ANKS6: variants seen among roughly 807,000 people sequenced by gnomAD.
The protein encoded by ANKS6 is ankyrin repeat and sterile alpha motif domain containing 6.
ANKS6 carries 47 observed loss-of-function variants against 77.9 expected under a neutral mutation model. The observed-to-expected ratio is 0.60, with a 90% CI of 0.48 to 0.77. The LOEUF (loss-of-function observed/expected upper bound fraction) is 0.77, where lower values mean the gene tolerates loss of function less well. ANKS6 is among the 30% of genes least tolerant of loss of function. The pLI, the probability that ANKS6 is intolerant of heterozygous loss-of-function variation, is 0.00. For synonymous variants in ANKS6, 488 were observed against 501.7 expected, an observed-to-expected ratio of 0.97 and a Z score of 0.37; for missense variants, 1,150 against 1,159.1, an observed-to-expected ratio of 0.99 and a Z score of 0.11.
At chr9:98,753,613 C>G (rs1406049783) in intron 12 of ANKS6, among the ~76,000 whole-genome samples, 1 of 103,378 alleles carries the variant, frequency 9.7e-6, no homozygotes, top group Non-Finnish European at 2.1e-5. Flanking sequence ...AGAGTAAGAC[C>G]CTATCTCAAA....
chr9:98,766,476 G>GA (rs1424858586), intron 11 of ANKS6, among the ~76,000 whole-genome samples: 1 of 152,008 alleles, frequency 6.6e-6, no homozygotes, highest in Non-Finnish European at 1.5e-5. Flanking sequence ...CAAAGGCAAA[G>GA]AAAGAAATAC....
chr9:98,732,560 CA>C lies in ANKS6; in HGVS notation c.*3958del. ...CTCACCCACCCAACCATGGCTACGT[CA>C]GGGCAGAAGGGAGAGAAGAAAGAGA... On this transcript the variant is annotated 3_prime_UTR_variant, in exon 15 of 15. Transcript: ENST00000353234. The C allele has an allele frequency of 6.4e-7, 1 of 1,550,596 alleles. No homozygotes were observed.
intron 3 of ANKS6, 106 bp from the exon 4 acceptor site, chr9:98,784,263 C>A (rs1050016290): frequency 5.6e-6 from 6 of 1,067,294 alleles, no homozygotes; most frequent in Admixed American, 6.5e-5. Context: ...TCTGCCTCTG[C>A]AGTGGGCTGC....
Position 98,734,116 on chromosome 9 carries a change from C to T in ANKS6, c.*2403G>A. The T allele has an allele frequency of 1.0e-6, 1 of 985,564 alleles. No individual in the cohort carries two copies. The highest frequency in any genetic ancestry group is 1.2e-6 in the Non-Finnish European group (1 of 830,028). The allele number at this position is 985,564 out of a possible 1,614,324, so 61.1% of individuals were successfully genotyped here. A position where few individuals can be genotyped will look rare whatever the true frequency, so the allele number is the denominator to read the frequency against. On this transcript the variant is annotated 3_prime_UTR_variant, in exon 15 of 15. Transcript: ENST00000353234. ...GGGTGCCCTTTCTCTTCCCTGCCTA[C>T]CAGCCGCATCCAAACATCCCCAGAA...
intron 11 of ANKS6, among the ~76,000 whole-genome samples, chr9:98,763,514 A>G (rs1833119515): frequency 1.3e-5 from 2 of 152,082 alleles, no homozygotes; most frequent in Non-Finnish European, 2.9e-5. Flanking sequence ...ATAGCATTAA[A>G]TATCTGTATT....
At chr9:98,751,311 A>G (rs1204675064) in intron 12 of ANKS6, among the ~76,000 whole-genome samples, 1 of 152,128 alleles carries the variant, frequency 6.6e-6, no homozygotes, top group Non-Finnish European at 1.5e-5. Context: ...GCCCTCAGCA[A>G]TCAACAAAAC....
At chr9:98,793,779 C>T (rs1034526485) in intron 1 of ANKS6, among the ~76,000 whole-genome samples, 6 of 151,442 alleles carry the variant, frequency 4.0e-5, no homozygotes, top group African/African-American at 7.3e-5. Context: ...CTGATCTGCC[C>T]GCCTCGGCCT....
At chr9:98,784,807 C>T in intron 3 of ANKS6, 25 bp downstream of exon 3, 1 of 1,606,280 alleles carries the variant, frequency 6.2e-7, no homozygotes, top group Non-Finnish European at 8.5e-7. Context: ...CTTAAATATC[C>T]AAAAAGATTT....
chr9:98,736,281 C>A lies in ANKS6; in HGVS notation c.*238G>T. ...GTCCCTGCATCACTGTGTGAACCAA[C>A]CTGCCAAGCAGAAGCACCCCCACTG... On this transcript the variant is annotated 3_prime_UTR_variant, in exon 15 of 15. Coordinates refer to ENST00000353234, the MANE Select transcript of ANKS6 (RefSeq NM_173551.5). 1.5e-6 allele frequency: 2 copies of A among 1,351,244 alleles called. No individual in the cohort carries two copies. Among genetic ancestry groups the A allele is most frequent in the Non-Finnish European group, 9.5e-7 (1 of 1,055,648 alleles). 83.7% of individuals were successfully genotyped at this position (1,351,244 alleles called of 1,614,324 possible).
intron 11 of ANKS6, among the ~76,000 whole-genome samples, chr9:98,763,064 T>C (rs1276038278): frequency 6.6e-6 from 1 of 152,078 alleles, no homozygotes; most frequent in Non-Finnish European, 1.5e-5. Context: ...TCTCAGTAAT[T>C]AGTAGAACAA....
chr9:98,732,338 G>C lies in ANKS6; in HGVS notation c.*4181C>G, dbSNP rs1286143924. 1 of 805,894 alleles carries C rather than the reference G, an allele frequency of 1.2e-6. No homozygotes were observed. Among genetic ancestry groups the C allele is most frequent in the Non-Finnish European group, 1.9e-6 (1 of 522,380 alleles). 49.9% of individuals were successfully genotyped at this position (805,894 alleles called of 1,614,324 possible). On this transcript the variant is annotated 3_prime_UTR_variant, in exon 15 of 15. Coordinates refer to ENST00000353234, the MANE Select transcript of ANKS6 (RefSeq NM_173551.5). ...CGAGTTCCCTGCCCCCTTTTTACCC[G>C]CTGGATCAGCTTCTACGACTTGGTC...
chr9:98,768,861 G>C (rs1222697149), intron 10 of ANKS6, among the ~76,000 whole-genome samples: 2 of 152,196 alleles, frequency 1.3e-5, no homozygotes, highest in South Asian at 4.1e-4. Flanking sequence ...CGGGTGCAGT[G>C]GCTCACGCCT....
At chr9:98,784,551 A>G (rs1798061933) in intron 3 of ANKS6, 6 of 445,386 alleles carry the variant, frequency 1.3e-5, no homozygotes, top group Non-Finnish European at 2.4e-5. Flanking sequence ...TCACAAAGAG[A>G]CTGGAGTGGG....
chr9:98,777,194 G>A (rs141092906), intron 8 of ANKS6, among the ~76,000 whole-genome samples: 1 of 152,298 alleles, frequency 6.6e-6, no homozygotes, highest in Non-Finnish European at 1.5e-5. Context: ...CACCCAGCGG[G>A]TGAGCACCAG....
In ANKS6 at chr9:98,732,713, C is replaced by A. The variant is rs1831268269; in HGVS notation, c.*3806G>T. 6.9e-6 allele frequency: 10 copies of A among 1,445,304 alleles called. No homozygotes were observed. The highest frequency in any genetic ancestry group is 9.1e-6 in the Non-Finnish European group (10 of 1,103,906). The allele number at this position is 1,445,304 out of a possible 1,614,324, so 89.5% of individuals were successfully genotyped here. A position where few individuals can be genotyped will look rare whatever the true frequency, so the allele number is the denominator to read the frequency against. On this transcript the variant is annotated 3_prime_UTR_variant, in exon 15 of 15. Coordinates refer to ENST00000353234, the MANE Select transcript of ANKS6 (RefSeq NM_173551.5). ...CCTGGGGGCTACTATCCCCCTGTAA[C>A]CAAAAGGGAAACTGGGACTCAAAGG... is the stretch of plus-strand genomic sequence containing the variant.
In ANKS6 at chr9:98,773,760, GA is replaced by G. The variant is rs769003923; in HGVS notation, c.1821+116del. Reference sequence around the variant, plus strand: ...ACAAAAGGATATCATCCATTCAAAAGAAAAAAAAAGTTGCAACCCCTCTGGA... The same window carrying G: ...ACAAAAGGATATCATCCATTCAAAAGAAAAAAAAGTTGCAACCCCTCTGGA... On this transcript the variant is annotated intron_variant, in intron 9 of 14. Coordinates refer to ENST00000353234, the MANE Select transcript of ANKS6 (RefSeq NM_173551.5). The G allele has an allele frequency of 2.9e-4, 255 of 873,310 alleles. 2 individuals are homozygous for G. Among genetic ancestry groups the G allele is most frequent in the African/African-American group, 4.9e-4 (28 of 57,324 alleles). 54.1% of individuals were successfully genotyped at this position (873,310 alleles called of 1,614,324 possible). A position where few individuals can be genotyped will look rare whatever the true frequency, so the allele number is the denominator to read the frequency against.
In ANKS6 at chr9:98,778,267, C is replaced by T. The variant is rs370716703; in HGVS notation, c.1526G>A (p.Arg509His). Residue 509 changes from arginine to histidine, a missense_variant, in exon 7 of 15, where the codon CGC becomes CAC. Transcript: ENST00000353234. ...MRAAPQDKTS[R>H]SALPDAAPVT... ...AGGGGCCGCATCAGGGAGTGCAGAG[C>T]GGCTTGTCTTGTCCTGGGGGGCAGC... is the stretch of plus-strand genomic sequence containing the variant. The T allele has an allele frequency of 5.7e-5, 92 of 1,614,188 alleles. No individual in the cohort carries two copies. Among genetic ancestry groups the T allele is most frequent in the Admixed American group, 5.0e-5 (3 of 60,032 alleles).
chr9:98,771,607 A>G (rs1833632262), intron 9 of ANKS6, among the ~76,000 whole-genome samples: 1 of 152,088 alleles, frequency 6.6e-6, no homozygotes, highest in Non-Finnish European at 1.5e-5. Flanking sequence ...GCTCTGCTCC[A>G]GGCACACCAA....
In ANKS6 at chr9:98,790,171, T is replaced by C. The variant is rs1436927313; in HGVS notation, c.795A>G (p.Ala265=). 6.3e-7 allele frequency: 1 copy of C among 1,599,424 alleles called. No individual in the cohort carries two copies. Among genetic ancestry groups the C allele is most frequent in the Non-Finnish European group, 8.6e-7 (1 of 1,168,320 alleles). ...CAAGGTCCCTGTGCTTGCAGTCCAG[T>C]GCAACCTCGAAGGCGGTCTTCTCCA... ...SVLEKTAFEV[A]LDCKHRDLVD... is the part of the protein sequence containing the mutation. Residue 265 remains alanine (A), a synonymous_variant, in exon 2 of 15, where the codon GCA becomes GCG. Transcript: ENST00000353234.
Sources: allele counts gnomAD v4.1 joint callset (sites outside exome capture counted in the v4.1 genomes callset), GRCh38; gene constraint gnomAD v4.1.1; transcripts MANE v1.5; gene names NCBI Gene and HGNC (gene_info 2026-07-23, HGNC 2026-07-21).